Variants in PTBP1 observed in about 807,000 individuals in gnomAD.
PTBP1 encodes the protein polypyrimidine tract-binding protein 1.
Under a neutral mutation model 59.8 loss-of-function variants are expected in PTBP1, and 8 were observed. That is an observed-to-expected ratio of 0.13 (90% CI 0.08 to 0.24). The LOEUF (loss-of-function observed/expected upper bound fraction) is 0.24. PTBP1 is among the 10% of genes least tolerant of loss of function. PTBP1 has a pLI of 1.00. For missense variants in PTBP1, 686 were observed against 767.0 expected (o/e 0.89, Z 1.25); for synonymous variants, 490 against 320.7 (o/e 1.53, Z -5.64).
rs1161598314 is a variant in PTBP1 at position 806,812 on chromosome 19, C to T, written c.1119+256C>T. The stretch of plus-strand genomic sequence containing the variant: ...GAATTATTTTTTGGTTACCCAAAGG[C>T]AATCTAAAAATTACTTGGAGCTGAG... On this transcript the variant is annotated intron_variant, in intron 10 of 14. Transcript: ENST00000356948. 8 of 408,632 alleles carry T rather than the reference C, an allele frequency of 2.0e-5. No homozygotes were observed. The East Asian group carries it at 2.5e-4, about 13-fold the overall frequency. 25.3% of individuals were successfully genotyped at this position (408,632 alleles called of 1,614,324 possible).
Position 804,407 on chromosome 19 carries a change from A to ATT in PTBP1, c.404_405insTT (p.Glu135AspfsTer3). ...TACATCCAGTTCTCCAACCACAAGG[A>ATT]GCTGAAGACCGACAGCTCTCCCAAC... On this transcript the variant is annotated frameshift_variant, in exon 5 of 15. Coordinates refer to ENST00000356948, the MANE Select transcript of PTBP1 (RefSeq NM_002819.5). LOFTEE classifies it high-confidence loss of function. The ATT allele has an allele frequency of 6.2e-7, 1 of 1,612,222 alleles. No individual in the cohort carries two copies. The highest frequency in any genetic ancestry group is 8.5e-7 in the Non-Finnish European group (1 of 1,179,978).
At chr19:799,108 C>A (rs2034213060) in intron 1 of PTBP1, among the ~76,000 whole-genome samples, 1 of 152,244 alleles carries the variant, frequency 6.6e-6, no homozygotes, top group Admixed American at 6.5e-5. Flanking sequence ...TTCCTCGGGG[C>A]TTCCGATGGG....
intron 9 of PTBP1, chr19:805,920 G>A (rs2034542473): frequency 3.0e-6 from 1 of 328,864 alleles, no homozygotes. Flanking sequence ...CGCGGCCCGA[G>A]GCTGAGCAGC....
At chr19:810,450 A>G (rs1207392545) in intron 13 of PTBP1, 93 bp from the exon 14 acceptor site, 6 of 1,063,476 alleles carry the variant, frequency 5.6e-6, no homozygotes, top group Non-Finnish European at 8.3e-6. Context: ...TTCCCCGGCT[A>G]CTCTGAAAAC....
intron 2 of PTBP1, among the ~76,000 whole-genome samples, chr19:799,832 C>G (rs894280110): frequency 6.6e-6 from 1 of 152,216 alleles, no homozygotes; most frequent in African/African-American, 2.4e-5. Flanking sequence ...AAAGAGCCAC[C>G]TGGCTGTGGA....
chr19:803,834 C>T (rs774882638), intron 3 of PTBP1, among the ~76,000 whole-genome samples, 198 bp downstream of exon 3: 25 of 152,164 alleles, frequency 1.6e-4, no homozygotes, highest in Non-Finnish European at 2.5e-4. Flanking sequence ...GCACTTGGAC[C>T]TGTGGGCGGG....
chr19:799,386 CGTT>C (rs752992932), intron 1 of PTBP1, 24 bp from the exon 2 acceptor site: 12 of 1,612,746 alleles, frequency 7.4e-6, no homozygotes, highest in Non-Finnish European at 1.0e-5. Flanking sequence ...ACCAGGCTAA[CGTT>C]GTCTCCTTTC....
At chr19:804,271 C>T (rs769450168) in intron 4 of PTBP1, 21 bp from the exon 5 acceptor site, 11 of 1,612,860 alleles carry the variant, frequency 6.8e-6, no homozygotes, top group East Asian at 2.2e-5. Context: ...GAGGGCCCAG[C>T]GCTCACTGCC....
chr19:797,940 G>A (rs976644805), intron 1 of PTBP1, among the ~76,000 whole-genome samples: 12 of 148,892 alleles, frequency 8.1e-5, no homozygotes, highest in Admixed American at 6.7e-4. Context: ...CCCAGCGCGC[G>A]TGCGCGGCCG....
At position 805,243 on chromosome 19, in the gene PTBP1, A is replaced by C. The variant is rs568790378; in HGVS notation, c.892+56A>C. ...GCAGAGTGGTCTATTAGGGCCGCTCAGTCCGGAGCCCCGGCGGCACGGGCC... is the reference window on the plus strand; with the variant it reads ...GCAGAGTGGTCTATTAGGGCCGCTCCGTCCGGAGCCCCGGCGGCACGGGCC... On this transcript the variant is annotated intron_variant, in intron 8 of 14. Transcript: ENST00000356948. The C allele has an allele frequency of 3.3e-5, 52 of 1,582,204 alleles. No homozygotes were observed. The African/African-American group carries it at 6.2e-4, about 19-fold the overall frequency.
intron 3 of PTBP1, 137 bp from the exon 4 acceptor site, chr19:803,899 C>CGCT: frequency 9.5e-7 from 1 of 1,047,604 alleles, no homozygotes. Flanking sequence ...TGGCCTCTCG[C>CGCT]GCTGCTGGTT....
rs561029063 is a variant in PTBP1 at position 805,288 on chromosome 19, T to TG, written c.892+102dup. ...CGGGCCCGGCCCTGCACCAGGGTGA[T>TG]GCACCTGCTGCTCTCTGCACGGCCA... On this transcript the variant is annotated intron_variant, in intron 8 of 14. Transcript: ENST00000356948. 12 of 1,377,648 alleles carry TG rather than the reference T, an allele frequency of 8.7e-6. No individual in the cohort carries two copies. The East Asian group carries it at 2.3e-4, about 26-fold the overall frequency. The allele number at this position is 1,377,648 out of a possible 1,614,324, so 85.3% of individuals were successfully genotyped here.
At chr19:797,742 C>A (rs1363378307) in intron 1 of PTBP1, among the ~76,000 whole-genome samples, 5 of 147,488 alleles carry the variant, frequency 3.4e-5, no homozygotes, top group Admixed American at 1.3e-4. Flanking sequence ...CGCGCCCCGT[C>A]CCTAGCGCAC....
intron 11 of PTBP1, 73 bp downstream of exon 11, chr19:807,975 A>G: frequency 1.4e-6 from 2 of 1,418,238 alleles, no homozygotes; most frequent in Non-Finnish European, 1.0e-6. Flanking sequence ...GAGACGTATT[A>G]TGAGTTTGCG....
intron 2 of PTBP1, among the ~76,000 whole-genome samples, chr19:800,608 G>A (rs574034968): frequency 1.3e-5 from 2 of 152,374 alleles, no homozygotes; most frequent in South Asian, 4.1e-4. Context: ...TCAGTCAGCA[G>A]TGGTGCCTGG....
chr19:801,707 T>C (rs1366960998), intron 2 of PTBP1, among the ~76,000 whole-genome samples: 1 of 152,144 alleles, frequency 6.6e-6, no homozygotes, highest in African/African-American at 2.4e-5. Context: ...GAGGCGAAGG[T>C]TGGAGGCCCT....
At chr19:806,616 T>G (rs182769405) in intron 10 of PTBP1, 60 bp downstream of exon 10, 42 of 1,428,596 alleles carry the variant, frequency 2.9e-5, no homozygotes, top group East Asian at 2.3e-4. Flanking sequence ...GGGGATGTTG[T>G]GCTCGGGCTC....
intron 3 of PTBP1, 119 bp downstream of exon 3, chr19:803,755 T>A: frequency 1.1e-6 from 1 of 952,312 alleles, no homozygotes; most frequent in Admixed American, 2.1e-5. Flanking sequence ...TGGTCCACGC[T>A]ACAGACCCAG....
chr19:807,497 C>T (rs1241229392), intron 10 of PTBP1: 2 of 257,810 alleles, frequency 7.8e-6, no homozygotes, highest in Non-Finnish European at 1.5e-5. Flanking sequence ...AGAACACTAC[C>T]TGATTCTTAT....
Sources: allele counts gnomAD v4.1 joint callset (sites outside exome capture counted in the v4.1 genomes callset), GRCh38; gene constraint gnomAD v4.1.1; transcripts MANE v1.5; gene names NCBI Gene and HGNC (gene_info 2026-07-23, HGNC 2026-07-21).